CDV3: variants seen among roughly 807,000 people sequenced by gnomAD.
The protein encoded by CDV3 is CDV3 homolog, also known as protein CDV3 homolog.
In CDV3, 14 loss-of-function variants were observed where a neutral mutation model predicts 24.5. The ratio of observed to expected loss-of-function variants is 0.57; its 90% CI spans 0.38 to 0.89. The LOEUF (loss-of-function observed/expected upper bound fraction) is 0.89. Among genes scored for constraint, CDV3 ranks in the 40% least tolerant of loss-of-function variants. The probability of loss-of-function intolerance (pLI) is 0.00; values close to 1 mark genes in which losing one functional copy is unlikely to be tolerated. For synonymous variants in CDV3, 114 were observed against 114.1 expected (o/e 1.00, Z 0.00); for missense variants, 304 against 310.2 (o/e 0.98, Z 0.15).
At chr3:133,576,841 C>CTCTTTTTTTTTTTTTTTT (rs2074826777) in intron 2 of CDV3, among the ~76,000 whole-genome samples, 1 of 62,388 alleles carries the variant, frequency 1.6e-5, no homozygotes, top group African/African-American at 6.8e-5. Flanking sequence ...GGTAGACTAG[C>CTCTTTTTTTTTTTTTTTT]TTTTTTTTTT....
chr3:133,583,120 T>C (rs1312983781), intron 2 of CDV3, among the ~76,000 whole-genome samples: 1 of 152,230 alleles, frequency 6.6e-6, no homozygotes, highest in Non-Finnish European at 1.5e-5. Flanking sequence ...GGGTATCTTT[T>C]CCATTTATAA....
intron 4 of CDV3, chr3:133,587,183 T>A: frequency 7.4e-7 from 1 of 1,358,666 alleles, no homozygotes; most frequent in Non-Finnish European, 9.7e-7. Flanking sequence ...GAATGCTACC[T>A]GGAATTAAAT....
chr3:133,576,414 G>T (rs571395503), intron 2 of CDV3, among the ~76,000 whole-genome samples: 1 of 152,306 alleles, frequency 6.6e-6, no homozygotes, highest in East Asian at 1.9e-4. Flanking sequence ...ACCATTTGGT[G>T]TTGTGGAACT....
At position 133,588,453 on chromosome 3, in the gene CDV3, G is replaced by C. The variant is rs929089203; in HGVS notation, c.*407G>C. 2 of 1,298,882 alleles carry C rather than the reference G, an allele frequency of 1.5e-6. No individual in the cohort carries two copies. The highest frequency in any genetic ancestry group is 2.1e-6 in the Non-Finnish European group (2 of 933,362). The allele number at this position is 1,298,882 out of a possible 1,614,324, so 80.5% of individuals were successfully genotyped here. On this transcript the variant is annotated 3_prime_UTR_variant, in exon 5 of 5. Transcript: ENST00000264993. The stretch of plus-strand genomic sequence containing the variant: ...TGGATAAGAAGATTACAACTATTAA[G>C]TGTCGATGTGAACCTTGCAACCAGC...
At chr3:133,574,497 C>T (rs2074725358) in intron 1 of CDV3, 3 of 986,292 alleles carry the variant, frequency 3.0e-6, no homozygotes, top group Non-Finnish European at 3.6e-6. Context: ...CTTCCCACCC[C>T]GCGTCGCTCG....
intron 3 of CDV3, among the ~76,000 whole-genome samples, chr3:133,585,381 GT>G (rs1933486561): frequency 6.6e-6 from 1 of 152,084 alleles, no homozygotes; most frequent in Non-Finnish European, 1.5e-5. Flanking sequence ...TGTTTTGTTT[GT>G]TTTGTTTGAG....
chr3:133,580,606 A>G (rs1001421198), intron 2 of CDV3, among the ~76,000 whole-genome samples: 3 of 152,090 alleles, frequency 2.0e-5, no homozygotes, highest in Non-Finnish European at 2.9e-5. Context: ...GTGGGCTGAG[A>G]TAGAAGAATT....
At chr3:133,579,168 G>T (rs1344946855) in intron 2 of CDV3, among the ~76,000 whole-genome samples, 2 of 152,188 alleles carry the variant, frequency 1.3e-5, no homozygotes, top group Non-Finnish European at 2.9e-5. Context: ...GTACAGTGGG[G>T]TGGAATGCTG....
chr3:133,575,175 AG>A (rs1174408406), intron 2 of CDV3, 60 bp downstream of exon 2: 3 of 938,080 alleles, frequency 3.2e-6, no homozygotes, highest in Non-Finnish European at 5.2e-6. Context: ...GATACAAGTT[AG>A]GTTTTCCTTT....
In CDV3 at chr3:133,575,098, T is replaced by C. The variant is rs753655657; in HGVS notation, c.300T>C (p.Val100=). Residue 100 remains valine (V), a synonymous_variant, in exon 2 of 5, where the codon GTT becomes GTC. Coordinates refer to ENST00000264993, the MANE Select transcript of CDV3 (RefSeq NM_017548.5). ...AGGTTGATTACAGCGGCCTCAGGGT[T>C]CAGGCAATGCAAATAAGGTATAGTC... ...QKEVDYSGLR[V]QAMQISSEKE... is the part of the protein sequence containing the mutation. 3 of 1,579,462 alleles carry C rather than the reference T, an allele frequency of 1.9e-6. No homozygotes were observed. In the Admixed American group the frequency reaches 5.0e-5, roughly 26 times the overall value.
At chr3:133,586,807 C>G in intron 4 of CDV3, 85 bp downstream of exon 4, 1 of 787,342 alleles carries the variant, frequency 1.3e-6, no homozygotes, top group Non-Finnish European at 2.2e-6. Flanking sequence ...CATACCCACC[C>G]AAGGGAGAGA....
intron 1 of CDV3, 154 bp from the exon 2 acceptor site, chr3:133,574,885 A>T: frequency 1.4e-6 from 1 of 723,576 alleles, no homozygotes; most frequent in Non-Finnish European, 2.2e-6. Context: ...CATTTAGCCT[A>T]GTTTGCCCCA....
Position 133,588,591 on chromosome 3 carries a change from C to T in CDV3, c.*545C>T. 1 of 596,978 alleles carries T rather than the reference C, an allele frequency of 1.7e-6. No individual in the cohort carries two copies. Among genetic ancestry groups the T allele is most frequent in the South Asian group, 2.1e-5 (1 of 48,780 alleles). 37.0% of individuals were successfully genotyped at this position (596,978 alleles called of 1,614,324 possible). A position where few individuals can be genotyped will look rare whatever the true frequency, so the allele number is the denominator to read the frequency against. On this transcript the variant is annotated 3_prime_UTR_variant, in exon 5 of 5. Transcript: ENST00000264993. ...TAATTAACCTGTCCTGTGCCCTACC[C>T]TTAAGGAATACTCTCTGTAGTAGGC...
chr3:133,581,732 C>G (rs568997185), intron 2 of CDV3, among the ~76,000 whole-genome samples: 1 of 152,214 alleles, frequency 6.6e-6, no homozygotes, highest in Non-Finnish European at 1.5e-5. Context: ...ATTCTAGCAC[C>G]CAGAGCTACT....
Position 133,574,175 on chromosome 3 carries a change from C to T in CDV3, c.131C>T (p.Ala44Val). The T allele has an allele frequency of 9.5e-7, 1 of 1,057,860 alleles. No homozygotes were observed. 65.5% of individuals were successfully genotyped at this position (1,057,860 alleles called of 1,614,324 possible). The change falls in exon 1 of 5, where the codon GCC (alanine) becomes GTC (valine). Residue 44 changes from alanine to valine, a missense_variant. Ala to Val is a moderately conservative substitution (Grantham distance 64). Transcript: ENST00000264993. ...AAGSAGGSSG[A>V]AGAAGGGAGA... is the part of the protein sequence containing the mutation. Reference sequence around the variant, plus strand: ...GGCAGCGCCGGCGGAAGCAGTGGAGCCGCGGGTGCGGCGGGCGGCGGGGCG... The same window carrying T: ...GGCAGCGCCGGCGGAAGCAGTGGAGTCGCGGGTGCGGCGGGCGGCGGGGCG...
At chr3:133,577,480 C>T (rs1559780899) in intron 2 of CDV3, among the ~76,000 whole-genome samples, 1 of 152,092 alleles carries the variant, frequency 6.6e-6, no homozygotes, top group Admixed American at 6.5e-5. Context: ...CCTGCCTCAG[C>T]CTTCCGAGTA....
rs1182541292 is a variant in CDV3 at position 133,574,176 on chromosome 3, C to G, written c.132C>G (p.Ala44=). The G allele has an allele frequency of 9.5e-7, 1 of 1,054,748 alleles. No individual in the cohort carries two copies. The highest frequency in any genetic ancestry group is 1.1e-6 in the Non-Finnish European group (1 of 876,210). 65.3% of individuals were successfully genotyped at this position (1,054,748 alleles called of 1,614,324 possible). ...GCAGCGCCGGCGGAAGCAGTGGAGC[C>G]GCGGGTGCGGCGGGCGGCGGGGCGG... is the stretch of plus-strand genomic sequence containing the variant. ...AAGSAGGSSG[A]AGAAGGGAGA... Residue 44 remains alanine (A), a synonymous_variant, in exon 1 of 5, where the codon GCC becomes GCG. Coordinates refer to ENST00000264993, the MANE Select transcript of CDV3 (RefSeq NM_017548.5).
intron 1 of CDV3, chr3:133,574,764 T>C: frequency 8.9e-7 from 1 of 1,117,726 alleles, no homozygotes; most frequent in Non-Finnish European, 1.1e-6. Context: ...AATGTAGTTG[T>C]GAAATTCCTA....
At position 133,574,882 on chromosome 3, in the gene CDV3, C is replaced by T. The variant is rs188819132; in HGVS notation, c.241-157C>T. The T allele has an allele frequency of 1.8e-5, 13 of 721,824 alleles. No homozygotes were observed. In the African/African-American group the frequency reaches 2.3e-4, roughly 13 times the overall value. The allele number at this position is 721,824 out of a possible 1,614,324, so 44.7% of individuals were successfully genotyped here. A position where few individuals can be genotyped will look rare whatever the true frequency, so the allele number is the denominator to read the frequency against. On this transcript the variant is annotated intron_variant, in intron 1 of 4. Transcript: ENST00000264993. Reference sequence around the variant, plus strand: ...ACGAGCATGTTTGTCCTCCATTTAGCCTAGTTTGCCCCAGAACGAAGCAAG... The same window carrying T: ...ACGAGCATGTTTGTCCTCCATTTAGTCTAGTTTGCCCCAGAACGAAGCAAG...
Sources: allele counts gnomAD v4.1 joint callset (sites outside exome capture counted in the v4.1 genomes callset), GRCh38; gene constraint gnomAD v4.1.1; transcripts MANE v1.5; gene names NCBI Gene and HGNC (gene_info 2026-07-23, HGNC 2026-07-21).